Variants in FAM78A observed in about 807,000 individuals in gnomAD.
The protein encoded by FAM78A is protein FAM78A.
In FAM78A, 12 loss-of-function variants were observed where a neutral mutation model predicts 22.6. That is an observed-to-expected ratio of 0.53 (90% CI 0.34 to 0.86). The LOEUF is 0.86. Among genes scored for constraint, FAM78A ranks in the 40% least tolerant of loss-of-function variants. The probability of loss-of-function intolerance (pLI) is 0.02; values close to 1 mark genes in which losing one functional copy is unlikely to be tolerated. For missense variants in FAM78A, 322 were observed against 396.1 expected (o/e 0.81, Z 1.59); for synonymous variants, 151 against 155.8 (o/e 0.97, Z 0.23).
chr9:131,259,198 G>C lies in FAM78A; in HGVS notation c.*1624C>G, dbSNP rs1835227207. 6.5e-6 allele frequency: 1 copy of C among 152,842 alleles called. No homozygotes were observed. The highest frequency in any genetic ancestry group is 2.1e-4 in the South Asian group (1 of 4,840). 9.5% of individuals were successfully genotyped at this position (152,842 alleles called of 1,614,324 possible). On this transcript the variant is annotated 3_prime_UTR_variant, in exon 2 of 2. Coordinates refer to ENST00000372271, the MANE Select transcript of FAM78A (RefSeq NM_033387.4). Reference sequence around the variant, plus strand: ...GGGTAGCTGTGGGTTTGGCAAGCTGGAAGGAGCGTGGCTTCAGCGGGATGT... The same window carrying C: ...GGGTAGCTGTGGGTTTGGCAAGCTGCAAGGAGCGTGGCTTCAGCGGGATGT...
At position 131,265,253 on chromosome 9, in the gene FAM78A, C is replaced by G. The variant is rs1202799737; in HGVS notation, c.324-3903G>C. On this transcript the variant is annotated intron_variant, in intron 1 of 1. Coordinates refer to ENST00000372271, the MANE Select transcript of FAM78A (RefSeq NM_033387.4). The surrounding 1 kb of genome is among the most constrained non-coding windows in gnomAD (Gnocchi z 4.3). ...AGTCTAAAGTTAAGCAATATCTTAA[C>G]CACCTTTCTCCTTTTTTTTGAGACA... Among the ~76,000 whole-genome samples the G allele has an allele frequency of 1.3e-5, 2 of 152,104 alleles. No homozygotes were observed. The highest frequency in any genetic ancestry group is 2.9e-5 in the Non-Finnish European group (2 of 68,018).
At position 131,261,395 on chromosome 9, in the gene FAM78A, G is replaced by A; in HGVS notation, c.324-45C>T. On this transcript the variant is annotated intron_variant, in intron 1 of 1. Transcript: ENST00000372271. The surrounding 1 kb of genome is among the most constrained non-coding windows in gnomAD (Gnocchi z 7.1). ...GTTCACTCACTCGGTCACTCAAGGAGGGCTTTCTGTGTCCCCCTGGCAGGC... is the reference window on the plus strand; with the variant it reads ...GTTCACTCACTCGGTCACTCAAGGAAGGCTTTCTGTGTCCCCCTGGCAGGC... 2 of 1,497,006 alleles carry A rather than the reference G, an allele frequency of 1.3e-6. No homozygotes were observed. The highest frequency in any genetic ancestry group is 1.8e-6 in the Non-Finnish European group (2 of 1,130,758). 92.7% of individuals were successfully genotyped at this position (1,497,006 alleles called of 1,614,324 possible).
At position 131,269,101 on chromosome 9, in the gene FAM78A, C is replaced by CA. The variant is rs34943494; in HGVS notation, c.323+6755dup. Among the ~76,000 whole-genome samples, 432 of 89,722 alleles carry CA rather than the reference C, an allele frequency of 4.8e-3. 4 individuals carry two copies. The highest frequency in any genetic ancestry group is 0.015 in the African/African-American group (305 of 20,536). 58.9% of individuals were successfully genotyped at this position (89,722 alleles called of 152,430 possible). ...GGGCGACAAGAACAAAACTTCGTCT[C>CA]AAAAAAAAAAAAAAAAAAAAGAAGT... On this transcript the variant is annotated intron_variant, in intron 1 of 1. Coordinates refer to ENST00000372271, the MANE Select transcript of FAM78A (RefSeq NM_033387.4).
chr9:131,279,847 G>A (rs1039691530), upstream of FAM78A, among the ~76,000 whole-genome samples: 2 of 152,192 alleles, frequency 1.3e-5, 1 homozygote, highest in East Asian at 3.8e-4. Context: ...CAGGGATCAG[G>A]GGATAGAGAC....
rs1222431238 is a variant in FAM78A, at chr9:131,258,407, G to A, written c.*2415C>T. The A allele has an allele frequency of 6.6e-6, 1 of 152,358 alleles. No homozygotes were observed. Among genetic ancestry groups the A allele is most frequent in the Non-Finnish European group, 1.5e-5 (1 of 68,064 alleles). 9.4% of individuals were successfully genotyped at this position (152,358 alleles called of 1,614,324 possible). A position where few individuals can be genotyped will look rare whatever the true frequency, so the allele number is the denominator to read the frequency against. ...GTGGCCGGACCTGCAGCCTCTCCAGGGTGTTCCTAGCCCTTCTTCGGTGAG... is the reference window on the plus strand; with the variant it reads ...GTGGCCGGACCTGCAGCCTCTCCAGAGTGTTCCTAGCCCTTCTTCGGTGAG... On this transcript the variant is annotated 3_prime_UTR_variant, in exon 2 of 2. Transcript: ENST00000372271.
At chr9:131,270,875 C>G (rs539319722) in intron 1 of FAM78A, among the ~76,000 whole-genome samples, 122 of 152,260 alleles carry the variant, frequency 8.0e-4, no homozygotes, top group African/African-American at 2.6e-3. Flanking sequence ...TTCCTGAGCT[C>G]CTGGGGAGGA....
intron 1 of FAM78A, among the ~76,000 whole-genome samples, chr9:131,267,771 C>A (rs1022645097): frequency 2.0e-5 from 3 of 149,874 alleles, no homozygotes; most frequent in Non-Finnish European, 4.5e-5. Context: ...CCAGGCCGGG[C>A]GCGGTGGCTC....
At chr9:131,264,610 T>C (rs951830933) in intron 1 of FAM78A, 2 of 717,188 alleles carry the variant, frequency 2.8e-6, no homozygotes, top group African/African-American at 1.7e-5. Context: ...CAGCAGTCAG[T>C]GGAAGCTTCT....
At chr9:131,268,727 C>G (rs962395659) in intron 1 of FAM78A, among the ~76,000 whole-genome samples, 3 of 151,816 alleles carry the variant, frequency 2.0e-5, no homozygotes, top group African/African-American at 7.3e-5. Flanking sequence ...CCCGTCTCTA[C>G]TAAAAATACA....
At chr9:131,277,343 TGC>T (rs1835499809), upstream of FAM78A, among the ~76,000 whole-genome samples, 1 of 151,852 alleles carries the variant, frequency 6.6e-6, no homozygotes. The surrounding 1 kb of genome is among the most constrained non-coding windows in gnomAD (Gnocchi z 8.4). Flanking sequence ...CACCCACCAG[TGC>T]CGTCGGATCC....
intron 1 of FAM78A, chr9:131,264,234 C>T: frequency 3.8e-6 from 1 of 266,408 alleles, no homozygotes. Flanking sequence ...CAAAATAGCC[C>T]TCCTCTTCCT....
chr9:131,277,808 T>C (rs1564240756), upstream of FAM78A, among the ~76,000 whole-genome samples: 1 of 150,292 alleles, frequency 6.7e-6, no homozygotes, highest in East Asian at 2.0e-4. This position sits in a 1 kb window ranked among gnomAD's most constrained non-coding sequence, Gnocchi z 8.4. Flanking sequence ...TTTATGATCA[T>C]TGTGAGCGCG....
rs1835460594 is a variant in FAM78A, at chr9:131,274,671, C to T, written c.323+1186G>A. Among the ~76,000 whole-genome samples the T allele has an allele frequency of 1.3e-5, 2 of 152,204 alleles. No homozygotes were observed. The highest frequency in any genetic ancestry group is 6.5e-5 in the Admixed American group (1 of 15,280). On this transcript the variant is annotated intron_variant, in intron 1 of 1. Coordinates refer to ENST00000372271, the MANE Select transcript of FAM78A (RefSeq NM_033387.4). This position sits in a 1 kb window ranked among gnomAD's most constrained non-coding sequence, Gnocchi z 4.2. ...AGAGAAGCCACCAGACTTGGTGTCC[C>T]GCCATCCTCCACCCCTCTCATTTAC...
At chr9:131,276,875 G>A (rs935841907), upstream of FAM78A, among the ~76,000 whole-genome samples, 1 of 149,008 alleles carries the variant, frequency 6.7e-6, no homozygotes, top group African/African-American at 2.4e-5. This position sits in a 1 kb window ranked among gnomAD's most constrained non-coding sequence, Gnocchi z 4.3. Flanking sequence ...TGTCGCTGCC[G>A]GCCGCCGTGC....
In FAM78A at chr9:131,260,872, G is replaced by A. The variant is rs200486791; in HGVS notation, c.802C>T (p.Arg268Trp). Residue 268 changes from arginine (R) to tryptophan (W), a missense_variant, in exon 2 of 2, where the codon CGG (arginine) becomes TGG (tryptophan). By Grantham distance (101) the Arg-to-Trp change is moderately radical. Coordinates refer to ENST00000372271, the MANE Select transcript of FAM78A (RefSeq NM_033387.4). This position sits in a 1 kb window ranked among gnomAD's most constrained non-coding sequence, Gnocchi z 5.4. ...NANDAQVLMWRPKYGQPLVVI... is the reference protein window; with the variant it reads ...NANDAQVLMWWPKYGQPLVVI... ...ACCAGCGGCTGCCCGTACTTGGGCC[G>A]CCACATGAGGACCTGGGCATCGTTG... The A allele has an allele frequency of 1.6e-5, 24 of 1,532,518 alleles. No individual in the cohort carries two copies. The highest frequency in any genetic ancestry group is 5.5e-5 in the African/African-American group (4 of 72,540). The allele number at this position is 1,532,518 out of a possible 1,614,324, so 94.9% of individuals were successfully genotyped here. A position where few individuals can be genotyped will look rare whatever the true frequency, so the allele number is the denominator to read the frequency against.
rs947304290 is a variant in FAM78A at position 131,265,717 on chromosome 9, G to A, written c.324-4367C>T. On this transcript the variant is annotated intron_variant, in intron 1 of 1. Coordinates refer to ENST00000372271, the MANE Select transcript of FAM78A (RefSeq NM_033387.4). This position sits in a 1 kb window ranked among gnomAD's most constrained non-coding sequence, Gnocchi z 4.3. Reference sequence around the variant, plus strand: ...AACCTGAGATTTTCAATGCTGAGACGGCAGAGCCTTGAACCACGCTCAGGG... The same window carrying A: ...AACCTGAGATTTTCAATGCTGAGACAGCAGAGCCTTGAACCACGCTCAGGG... Among the ~76,000 whole-genome samples, 1 of 152,132 alleles carries A rather than the reference G, an allele frequency of 6.6e-6. No homozygotes were observed. The highest frequency in any genetic ancestry group is 1.5e-5 in the Non-Finnish European group (1 of 68,014).
chr9:131,271,851 G>T (rs1004971048), intron 1 of FAM78A, among the ~76,000 whole-genome samples: 5 of 152,112 alleles, frequency 3.3e-5, no homozygotes, highest in African/African-American at 4.8e-5. Context: ...TTGAGGAATT[G>T]CGGGGGCCGG....
upstream of FAM78A, among the ~76,000 whole-genome samples, chr9:131,277,714 C>T (rs1835503012): frequency 6.6e-6 from 1 of 151,338 alleles, no homozygotes; most frequent in Admixed American, 6.6e-5. This position sits in a 1 kb window ranked among gnomAD's most constrained non-coding sequence, Gnocchi z 8.4. Context: ...ACCCTCCTCC[C>T]GGCTTGGGGC....
intron 1 of FAM78A, among the ~76,000 whole-genome samples, chr9:131,263,250 A>AG (rs557384160): frequency 1.3e-5 from 2 of 150,778 alleles, no homozygotes; most frequent in South Asian, 2.1e-4. Flanking sequence ...AAAAAAAAAA[A>AG]AAAAGAAAAA....
Sources: gnomAD v4.1 joint callset for allele counts (sites outside exome capture counted in the v4.1 genomes callset) on GRCh38, gnomAD v4.1.1 for gene constraint, Gnocchi (gnomAD v3.1) non-coding constraint, MANE v1.5 for transcripts, NCBI Gene and HGNC (gene_info 2026-07-23, HGNC 2026-07-21) for gene names.